The following ATAD2B variants were observed in gnomAD, a reference collection of about 807,000 sequenced individuals.
ATAD2B encodes the protein ATPase family AAA domain containing 2B.
Under a neutral mutation model 167.6 loss-of-function variants are expected in ATAD2B, and 40 were observed. The ratio of observed to expected loss-of-function variants is 0.24; its 90% CI spans 0.19 to 0.31. The LOEUF (loss-of-function observed/expected upper bound fraction) is 0.31, where lower values mean the gene tolerates loss of function less well. Ranked by LOEUF, ATAD2B falls within the 10% of genes least tolerant of loss-of-function variation. The pLI, the probability that ATAD2B is intolerant of heterozygous loss-of-function variation, is 1.00. For missense variants in ATAD2B, 1,242 were observed against 1,757.2 expected (o/e 0.71, Z 5.24); for synonymous variants, 579 against 596.5 (o/e 0.97, Z 0.43).
the ATAD2B span, among the ~76,000 whole-genome samples, chr2:23,717,942 TA>T: frequency 2.0e-5 from 3 of 152,076 alleles, no homozygotes; most frequent in African/African-American, 7.2e-5. Flanking sequence ...TAACAGTGAA[TA>T]AAAAACGAAT....
chr2:23,840,462 G>A (rs10207543), intron 13 of ATAD2B, among the ~76,000 whole-genome samples: 1,620 of 151,758 alleles, frequency 0.011, 25 homozygotes, highest in African/African-American at 0.037. Context: ...TTTGTTTTCC[G>A]TTCACATATT....
At chr2:23,862,172 G>C (rs939868611) in intron 12 of ATAD2B, among the ~76,000 whole-genome samples, 1 of 151,754 alleles carries the variant, frequency 6.6e-6, no homozygotes, top group African/African-American at 2.4e-5. Context: ...ACTCCAGCCT[G>C]GGTGACAGAG....
At chr2:23,886,446 A>G (rs17045981) in intron 4 of ATAD2B, among the ~76,000 whole-genome samples, 26,847 of 152,156 alleles carry the variant, frequency 0.18, 2,493 homozygotes, top group Middle Eastern at 0.22. Context: ...GAAAAAATAC[A>G]AATTCAATCT....
intron 22 of ATAD2B, among the ~76,000 whole-genome samples, chr2:23,769,763 T>C (rs2149343456): frequency 6.9e-6 from 1 of 144,944 alleles, no homozygotes; most frequent in Admixed American, 7.0e-5. Flanking sequence ...TCGCCCAGGC[T>C]GGAGTGCAGT....
chr2:23,810,297 T>G lies in ATAD2B; in HGVS notation c.2454+19A>C, dbSNP rs1685357783. ...AGCAATAAGAAAGTTGGAAGTGCTC[T>G]GATGTGGTACAAACCTACCTGTGCA... On this transcript the variant is annotated intron_variant, in intron 18 of 27. Coordinates refer to ENST00000238789, the MANE Select transcript of ATAD2B (RefSeq NM_017552.4). 1.9e-6 allele frequency: 3 copies of G among 1,600,746 alleles called. No individual in the cohort carries two copies. The highest frequency in any genetic ancestry group is 2.6e-6 in the Non-Finnish European group (3 of 1,169,582).
At chr2:23,806,432 T>A (rs187325402) in intron 18 of ATAD2B, among the ~76,000 whole-genome samples, 39 of 152,332 alleles carry the variant, frequency 2.6e-4, no homozygotes, top group African/African-American at 8.4e-4. Flanking sequence ...GTTCTATTAC[T>A]TTGTCTACTC....
chr2:23,885,945 T>A (rs1030913366), intron 4 of ATAD2B, 116 bp from the exon 5 acceptor site: 25 of 639,848 alleles, frequency 3.9e-5, no homozygotes, highest in Non-Finnish European at 6.2e-5. Flanking sequence ...ACAACTTTTT[T>A]TTCTTTTTTG....
At chr2:23,761,703 C>T (rs1676764089) in intron 24 of ATAD2B, among the ~76,000 whole-genome samples, 1 of 152,160 alleles carries the variant, frequency 6.6e-6, no homozygotes, top group Admixed American at 6.5e-5. Flanking sequence ...CAAAAAAACT[C>T]CCAATTTTCC....
intron 8 of ATAD2B, chr2:23,872,676 C>G: frequency 1.5e-6 from 2 of 1,340,354 alleles, no homozygotes; most frequent in East Asian, 2.3e-5. Context: ...CAGATCTTCA[C>G]CTGGGCCTCA....
chr2:23,804,132 C>G (rs2551343), intron 18 of ATAD2B, among the ~76,000 whole-genome samples: 27,597 of 152,114 alleles, frequency 0.18, 2,603 homozygotes, highest in Middle Eastern at 0.26. Flanking sequence ...TCTTCCCTAG[C>G]GCTTTTGTAC....
the ATAD2B span, among the ~76,000 whole-genome samples, chr2:23,714,019 T>G: frequency 3.9e-5 from 6 of 152,272 alleles, no homozygotes; most frequent in Non-Finnish European, 2.9e-5. Context: ...ACTCTAACTT[T>G]ACTAAACTGG....
chr2:23,765,627 A>G lies in ATAD2B; in HGVS notation c.3135T>C (p.Asp1045=). ...TACAAGCCCTGTGCCTAATTATTTT[A>G]TCTGTTAAAAAAGTTGGTATATATT... The part of the protein sequence containing the change: ...LEYNPDKDPG[D]KIIRHRACTL... The change falls in exon 23 of 28, where the codon GAT becomes GAC. Residue 1045 remains aspartate, a splice_region_variant and synonymous_variant. Coordinates refer to ENST00000238789, the MANE Select transcript of ATAD2B (RefSeq NM_017552.4). The G allele has an allele frequency of 2.2e-6, 3 of 1,392,366 alleles. No individual in the cohort carries two copies. Among genetic ancestry groups the G allele is most frequent in the Non-Finnish European group, 2.8e-6 (3 of 1,061,310 alleles). The allele number at this position is 1,392,366 out of a possible 1,614,324, so 86.3% of individuals were successfully genotyped here.
chr2:23,769,980 G>A lies in ATAD2B; in HGVS notation c.3134-4352C>T, dbSNP rs115762293. Reference sequence around the variant, plus strand: ...ATTACAGGCGTGAGCAACTGTACCCGGCCTCACTGTGGTCTTAATTTGCAT... The same window carrying A: ...ATTACAGGCGTGAGCAACTGTACCCAGCCTCACTGTGGTCTTAATTTGCAT... On this transcript the variant is annotated intron_variant, in intron 22 of 27. Coordinates refer to ENST00000238789, the MANE Select transcript of ATAD2B (RefSeq NM_017552.4). Among the ~76,000 whole-genome samples, 415 of 151,168 alleles carry A rather than the reference G, an allele frequency of 2.7e-3. 3 individuals are homozygous for A. The highest frequency in any genetic ancestry group is 9.4e-3 in the African/African-American group (389 of 41,222).
At chr2:23,809,313 A>C (rs1007594742) in intron 18 of ATAD2B, 5 of 152,168 alleles carry the variant, frequency 3.3e-5, no homozygotes, top group Admixed American at 3.3e-4. Flanking sequence ...GAAACCTTTA[A>C]ATAGGGCTTT....
At chr2:23,727,867 A>G in the ATAD2B span, among the ~76,000 whole-genome samples, 2 of 152,228 alleles carry the variant, frequency 1.3e-5, no homozygotes, top group Admixed American at 6.5e-5. Flanking sequence ...AGACAAAACT[A>G]TGATGACAGT....
the ATAD2B span, among the ~76,000 whole-genome samples, chr2:23,709,662 G>C: frequency 6.6e-6 from 1 of 152,070 alleles, no homozygotes; most frequent in Non-Finnish European, 1.5e-5. Flanking sequence ...ATCGGAAGGT[G>C]GTGGTCAGGG....
intron 17 of ATAD2B, among the ~76,000 whole-genome samples, chr2:23,817,705 A>C (rs1223885833): frequency 6.6e-6 from 1 of 152,248 alleles, no homozygotes; most frequent in Non-Finnish European, 1.5e-5. Flanking sequence ...TAAAGAAATA[A>C]GTGAATAATT....
the ATAD2B span, among the ~76,000 whole-genome samples, chr2:23,681,969 T>C: frequency 1.3e-5 from 2 of 152,108 alleles, no homozygotes; most frequent in African/African-American, 4.8e-5. This position sits in a 1 kb window ranked among gnomAD's most constrained non-coding sequence, Gnocchi z 4.2. Flanking sequence ...ACCTTGTCTC[T>C]AGCCCAGGCC....
At chr2:23,688,818 A>T in the ATAD2B span, 1 of 152,222 alleles carries the variant, frequency 6.6e-6, no homozygotes, top group Non-Finnish European at 1.5e-5. Context: ...CATTCACTCC[A>T]TGGGGCCCGG....
Sources: allele counts gnomAD v4.1 joint callset (sites outside exome capture counted in the v4.1 genomes callset), GRCh38; gene constraint gnomAD v4.1.1; non-coding constraint Gnocchi (gnomAD v3.1); transcripts MANE v1.5; gene names NCBI Gene and HGNC (gene_info 2026-07-23, HGNC 2026-07-21).